TBC1D19: variants seen among roughly 807,000 people sequenced by gnomAD.
TBC1D19 encodes the protein TBC1 domain family, member 19.
A neutral mutation model predicts 89.0 loss-of-function variants in TBC1D19; 60 were observed. That is an observed-to-expected ratio of 0.67 (90% CI 0.55 to 0.84). The LOEUF (loss-of-function observed/expected upper bound fraction) is 0.84. Among genes scored for constraint, TBC1D19 ranks in the 40% least tolerant of loss-of-function variants. The pLI is 0.00. For missense variants in TBC1D19, 500 were observed against 610.8 expected (o/e 0.82, Z 1.91); for synonymous variants, 189 against 199.7 (o/e 0.95, Z 0.45).
chr4:26,577,983 T>C (rs1243442840), intron 1 of TBC1D19, among the ~76,000 whole-genome samples: 2 of 152,238 alleles, frequency 1.3e-5, no homozygotes, highest in African/African-American at 2.4e-5. Context: ...GCAGTCTTTG[T>C]CTTTTTTCTT....
At chr4:26,759,041 C>A (rs1719368222), downstream of TBC1D19, among the ~76,000 whole-genome samples, 1 of 152,188 alleles carries the variant, frequency 6.6e-6, no homozygotes, top group Non-Finnish European at 1.5e-5. Flanking sequence ...AATGCCTTCT[C>A]TTCCCTCTTT....
At chr4:26,763,223 C>T in the TBC1D19 span, among the ~76,000 whole-genome samples, 1 of 152,150 alleles carries the variant, frequency 6.6e-6, no homozygotes, top group Non-Finnish European at 1.5e-5. Flanking sequence ...TGGACTTCCT[C>T]CTCAGCCAGG....
intron 1 of TBC1D19, among the ~76,000 whole-genome samples, chr4:26,578,405 C>G (rs1739012818): frequency 6.6e-6 from 1 of 152,148 alleles, no homozygotes; most frequent in African/African-American, 2.4e-5. Flanking sequence ...CCGTCCTATT[C>G]TCATAACATA....
intron 4 of TBC1D19, among the ~76,000 whole-genome samples, chr4:26,629,471 C>G (rs1742653255): frequency 1.3e-5 from 2 of 152,016 alleles, no homozygotes; most frequent in Non-Finnish European, 2.9e-5. Flanking sequence ...ACATCTGGCA[C>G]AGTCCCCAGC....
intron 15 of TBC1D19, among the ~76,000 whole-genome samples, chr4:26,721,186 G>T (rs939796657): frequency 6.6e-6 from 1 of 151,362 alleles, no homozygotes; most frequent in South Asian, 2.1e-4. Flanking sequence ...TATCCAGTTC[G>T]TACCTCTCCC....
intron 9 of TBC1D19, among the ~76,000 whole-genome samples, chr4:26,669,692 T>A (rs767691117): frequency 6.6e-6 from 1 of 151,800 alleles, no homozygotes; most frequent in Non-Finnish European, 1.5e-5. Context: ...TATAGTAATA[T>A]CCTCTGCTTT....
the TBC1D19 span, among the ~76,000 whole-genome samples, chr4:26,798,112 T>A: frequency 6.6e-6 from 1 of 152,130 alleles, no homozygotes; most frequent in Non-Finnish European, 1.5e-5. Flanking sequence ...ACAGACAACC[T>A]ATAGAATGGG....
At chr4:26,741,539 G>A (rs1718376620) in intron 17 of TBC1D19, among the ~76,000 whole-genome samples, 1 of 151,918 alleles carries the variant, frequency 6.6e-6, no homozygotes, top group African/African-American at 2.4e-5. Context: ...CTGGCACTGG[G>A]CAACTCTGGG....
At chr4:26,792,184 G>A in the TBC1D19 span, among the ~76,000 whole-genome samples, 1 of 150,738 alleles carries the variant, frequency 6.6e-6, no homozygotes, top group Non-Finnish European at 1.5e-5. Flanking sequence ...TTTTTATCCT[G>A]GTTGTTGTGT....
chr4:26,718,055 A>T, intron 14 of TBC1D19, 38 bp downstream of exon 14: 1 of 1,456,458 alleles, frequency 6.9e-7, no homozygotes, highest in Non-Finnish European at 9.6e-7. Flanking sequence ...ATTAAGACTT[A>T]CATAATCATG....
the TBC1D19 span, among the ~76,000 whole-genome samples, chr4:26,781,328 T>A: frequency 1.3e-5 from 2 of 152,200 alleles, no homozygotes; most frequent in African/African-American, 4.8e-5. Flanking sequence ...AGTGAGGCTC[T>A]CAAGTCAGGT....
intron 6 of TBC1D19, among the ~76,000 whole-genome samples, chr4:26,639,876 T>C (rs1743381243): frequency 1.3e-5 from 2 of 152,210 alleles, no homozygotes; most frequent in African/African-American, 4.8e-5. Context: ...TACATTGACA[T>C]TGTTTGGCCA....
At chr4:26,598,646 G>A (rs1471467313) in intron 1 of TBC1D19, among the ~76,000 whole-genome samples, 1 of 152,070 alleles carries the variant, frequency 6.6e-6, no homozygotes, top group Non-Finnish European at 1.5e-5. Context: ...CGCCCGCCTC[G>A]GCCGCCCAAA....
intron 7 of TBC1D19, among the ~76,000 whole-genome samples, chr4:26,654,080 A>T (rs7654003): frequency 0.036 from 5,431 of 152,206 alleles, 336 homozygotes; most frequent in African/African-American, 0.12. Context: ...TGGTGACAAA[A>T]TCTCTCAGCA....
chr4:26,674,476 G>A (rs1221035424), intron 11 of TBC1D19, among the ~76,000 whole-genome samples: 2 of 151,852 alleles, frequency 1.3e-5, no homozygotes, highest in African/African-American at 2.4e-5. Context: ...TTTTTTGTTT[G>A]TTTTTTGCTT....
the TBC1D19 span, among the ~76,000 whole-genome samples, chr4:26,766,706 T>C: frequency 6.6e-6 from 1 of 152,200 alleles, no homozygotes; most frequent in Non-Finnish European, 1.5e-5. Context: ...TTACCAGGCA[T>C]GCACTTGAAT....
the TBC1D19 span, among the ~76,000 whole-genome samples, chr4:26,765,537 G>A: frequency 0.011 from 1,631 of 152,162 alleles, 15 homozygotes; most frequent in Non-Finnish European, 0.016. Context: ...AAGTATTTAG[G>A]TAATTGATGC....
intron 14 of TBC1D19, among the ~76,000 whole-genome samples, chr4:26,718,506 A>G (rs189202351): frequency 5.8e-4 from 89 of 152,230 alleles, no homozygotes; most frequent in Middle Eastern, 3.4e-3. Context: ...TGAAGATACA[A>G]TTAACTTCAG....
chr4:26,707,037 C>A (rs563000381), intron 13 of TBC1D19, among the ~76,000 whole-genome samples: 1 of 151,968 alleles, frequency 6.6e-6, no homozygotes, highest in African/African-American at 2.4e-5. Flanking sequence ...ATTGTTAGAT[C>A]TAGTTGGTTT....
Sources: allele counts gnomAD v4.1 joint callset (sites outside exome capture counted in the v4.1 genomes callset), GRCh38; gene constraint gnomAD v4.1.1; transcripts MANE v1.5; gene names NCBI Gene and HGNC (gene_info 2026-07-23, HGNC 2026-07-21).